Variants in FAT3 observed in about 807,000 individuals in gnomAD.
FAT3 encodes the protein protocadherin Fat 3.
In FAT3, 95 loss-of-function variants were observed where a neutral mutation model predicts 310.2. The observed-to-expected ratio is 0.31, with a 90% CI of 0.26 to 0.36. FAT3 has a LOEUF of 0.36. FAT3 is among the 10% of genes least tolerant of loss of function. The pLI is 1.00. For synonymous variants in FAT3, 2,314 were observed against 2,192.9 expected, an observed-to-expected ratio of 1.06 and a Z score of -1.54; for missense variants, 5,408 against 5,715.6, an observed-to-expected ratio of 0.95 and a Z score of 1.74.
Position 92,353,713 on chromosome 11 carries a change from T to A in FAT3, c.1601T>A (p.Leu534Gln), listed in dbSNP as rs1591156930. The A allele has an allele frequency of 1.2e-6, 2 of 1,613,952 alleles. No individual in the cohort carries two copies. Among genetic ancestry groups the A allele is most frequent in the Non-Finnish European group, 1.7e-6 (2 of 1,179,878 alleles). ...GGTGTTATTAGCACAACTGAAGAAC[T>A]GGATTTTGAATCCTCCCCAGAAATT... The part of the protein sequence containing the change: ...FTGVISTTEE[L>Q]DFESSPEIYR... The change falls in exon 2 of 28, where the codon CTG becomes CAG. Residue 534 changes from leucine (L) to glutamine (Q), a missense_variant. Coordinates refer to ENST00000525166, the MANE Select transcript of FAT3 (RefSeq NM_001367949.2).
intron 2 of FAT3, among the ~76,000 whole-genome samples, chr11:92,443,530 A>C (rs1420476177): frequency 6.6e-6 from 1 of 152,230 alleles, no homozygotes; most frequent in Non-Finnish European, 1.5e-5. Flanking sequence ...ACCAAAGATG[A>C]ATAACCATGT....
chr11:92,622,738 C>G (rs1216925111), intron 3 of FAT3, among the ~76,000 whole-genome samples: 3 of 152,192 alleles, frequency 2.0e-5, no homozygotes, highest in Non-Finnish European at 4.4e-5. Flanking sequence ...TGCACGGTCA[C>G]AGAGAGTTCT....
intron 2 of FAT3, among the ~76,000 whole-genome samples, chr11:92,364,308 T>C (rs139971511): frequency 8.1e-4 from 123 of 152,266 alleles, no homozygotes; most frequent in Middle Eastern, 3.4e-3. Flanking sequence ...TCTTCAATTA[T>C]CAAACAGTGA....
chr11:92,824,250 C>T (rs777079016), intron 13 of FAT3, among the ~76,000 whole-genome samples: 7 of 151,710 alleles, frequency 4.6e-5, no homozygotes, highest in African/African-American at 1.2e-4. Context: ...CCAGCTACTC[C>T]GGAGGCTGAG....
intron 4 of FAT3, among the ~76,000 whole-genome samples, chr11:92,726,604 A>C (rs959719289): frequency 1.3e-5 from 2 of 152,122 alleles, no homozygotes; most frequent in African/African-American, 4.8e-5. Context: ...CACACGTGAC[A>C]TGATAAAATT....
intron 13 of FAT3, among the ~76,000 whole-genome samples, chr11:92,814,747 A>C (rs1947776835): frequency 6.6e-6 from 1 of 152,204 alleles, no homozygotes; most frequent in Non-Finnish European, 1.5e-5. Flanking sequence ...ATCAGGACAA[A>C]TACCTAATGC....
At chr11:92,459,967 A>AC (rs1472638894) in intron 2 of FAT3, among the ~76,000 whole-genome samples, 1 of 152,208 alleles carries the variant, frequency 6.6e-6, no homozygotes, top group Non-Finnish European at 1.5e-5. Context: ...GCACAAAAAA[A>AC]AAATAAGAAA....
intron 1 of FAT3, among the ~76,000 whole-genome samples, chr11:92,335,039 T>G (rs1948025412): frequency 6.6e-6 from 1 of 152,204 alleles, no homozygotes; most frequent in Non-Finnish European, 1.5e-5. Context: ...AGTCTGATGA[T>G]GTCGCCACAA....
At chr11:92,424,560 G>A (rs938326980) in intron 2 of FAT3, among the ~76,000 whole-genome samples, 1 of 152,084 alleles carries the variant, frequency 6.6e-6, no homozygotes, top group African/African-American at 2.4e-5. Context: ...ACTGACCACT[G>A]ATCACTATTG....
chr11:92,294,991 G>T (rs1946812075), intron 1 of FAT3, among the ~76,000 whole-genome samples: 1 of 152,072 alleles, frequency 6.6e-6, no homozygotes, highest in Non-Finnish European at 1.5e-5. Context: ...CATTGGAATG[G>T]TTTTTCCTTT....
intron 22 of FAT3, among the ~76,000 whole-genome samples, chr11:92,879,196 T>C (rs1949614591): frequency 6.6e-6 from 1 of 152,262 alleles, no homozygotes; most frequent in African/African-American, 2.4e-5. Flanking sequence ...TGTTCAGCTA[T>C]GCAAAGTCTC....
At chr11:92,878,634 T>TAAAAAAAA (rs145900689) in intron 22 of FAT3, among the ~76,000 whole-genome samples, 13 of 21,186 alleles carry the variant, frequency 6.1e-4, no homozygotes, top group African/African-American at 9.9e-4. Flanking sequence ...TGTTATGTGT[T>TAAAAAAAA]AAAAAAAAAA....
intron 2 of FAT3, among the ~76,000 whole-genome samples, chr11:92,413,744 T>C (rs1186242548): frequency 6.6e-6 from 1 of 152,222 alleles, no homozygotes. Flanking sequence ...GTTGAAAATT[T>C]AAGACACTTT....
Position 92,890,983 on chromosome 11 carries a change from C to T in FAT3, c.13640C>T (p.Ser4547Leu), listed in dbSNP as rs768827430. 11 of 1,613,782 alleles carry T rather than the reference C, an allele frequency of 6.8e-6. No homozygotes were observed. The highest frequency in any genetic ancestry group is 3.3e-5 in the South Asian group (3 of 91,060). Residue 4547 changes from serine (S) to leucine (L), a missense_variant, in exon 28 of 28, where the codon TCG becomes TTG. By Grantham distance (145) the Ser-to-Leu change is moderately radical. This residue lies in a region of FAT3 where 649 missense variants were observed against 666.2 expected (regional missense o/e 0.97). Transcript: ENST00000525166. Reference protein sequence around the residue: ...SLHNSRGTSSSDVSANCGFDD... With the variant: ...SLHNSRGTSSLDVSANCGFDD... The stretch of plus-strand genomic sequence containing the variant: ...CACAATTCCAGAGGCACCTCATCCT[C>T]GGATGTGTCTGCCAACTGCGGCTTT...
intron 13 of FAT3, among the ~76,000 whole-genome samples, chr11:92,820,694 A>G (rs990466844): frequency 6.6e-6 from 1 of 152,158 alleles, no homozygotes; most frequent in African/African-American, 2.4e-5. Flanking sequence ...CTGCAACCTC[A>G]AGAGAAATGC....
At chr11:92,863,341 C>T (rs1304954095) in intron 21 of FAT3, among the ~76,000 whole-genome samples, 1 of 152,166 alleles carries the variant, frequency 6.6e-6, no homozygotes, top group Non-Finnish European at 1.5e-5. Flanking sequence ...GCTATAACCA[C>T]ATGCCAAGAA....
chr11:92,461,239 AG>A (rs1429196720), intron 2 of FAT3, among the ~76,000 whole-genome samples: 1 of 152,038 alleles, frequency 6.6e-6, no homozygotes, highest in Non-Finnish European at 1.5e-5. Context: ...ATGAGAGGAG[AG>A]AGATAAGGGC....
chr11:92,888,708 T>C (rs999632228), intron 25 of FAT3, among the ~76,000 whole-genome samples: 3 of 152,232 alleles, frequency 2.0e-5, no homozygotes, highest in Non-Finnish European at 1.5e-5. Flanking sequence ...AGTGGCATTA[T>C]GTGACCGTGA....
At chr11:92,689,736 G>A (rs1219715891) in intron 3 of FAT3, among the ~76,000 whole-genome samples, 1 of 152,130 alleles carries the variant, frequency 6.6e-6, no homozygotes, top group Non-Finnish European at 1.5e-5. Flanking sequence ...CTGTATGAAT[G>A]TGTGCACATG....
Sources: allele counts gnomAD v4.1 joint callset (sites outside exome capture counted in the v4.1 genomes callset), GRCh38; gene constraint gnomAD v4.1.1; regional missense constraint gnomAD v4.1.1; transcripts MANE v1.5; gene names NCBI Gene and HGNC (gene_info 2026-07-23, HGNC 2026-07-21).